Variants in NOLC1 observed in about 807,000 individuals in gnomAD.
NOLC1 encodes the protein 140 kDa nucleolar phosphoprotein.
NOLC1 carries 37 observed loss-of-function variants against 73.4 expected under a neutral mutation model. The observed-to-expected ratio is 0.50, with a 90% CI of 0.39 to 0.66. The LOEUF is 0.66. NOLC1 is among the 30% of genes least tolerant of loss of function. The pLI, the probability that NOLC1 is intolerant of heterozygous loss-of-function variation, is 0.00. For missense variants in NOLC1, 921 were observed against 838.9 expected (o/e 1.10, Z -1.21); for synonymous variants, 327 against 302.6 (o/e 1.08, Z -0.84).
intron 12 of NOLC1, 71 bp downstream of exon 12, chr10:102,161,996 G>A: frequency 6.2e-7 from 1 of 1,602,886 alleles, no homozygotes; most frequent in South Asian, 1.1e-5. Flanking sequence ...TCTTGGTTCA[G>A]GTTGGTGGGA....
chr10:102,158,314 T>G, intron 5 of NOLC1, 100 bp downstream of exon 5: 1 of 955,674 alleles, frequency 1.0e-6, no homozygotes, highest in Middle Eastern at 2.3e-4. Flanking sequence ...TGGTACTGTT[T>G]GTTGAACTGG....
intron 1 of NOLC1, among the ~76,000 whole-genome samples, chr10:102,155,288 G>T (rs561601092): frequency 1.2e-3 from 183 of 151,962 alleles, no homozygotes; most frequent in Middle Eastern, 3.4e-3. Flanking sequence ...GCCTCACAAA[G>T]TGTTGGGATT....
At position 102,161,670 on chromosome 10, in the gene NOLC1, G is replaced by A; in HGVS notation, c.1848+8G>A. On this transcript the variant is annotated splice_region_variant and intron_variant, in intron 11 of 12. Coordinates refer to ENST00000605788, the MANE Select transcript of NOLC1 (RefSeq NM_004741.5). The stretch of plus-strand genomic sequence containing the variant: ...TTTCCAAAAAGGAAGAAAGTAAGTT[G>A]TCTCACTTTCTTCTCAGGAGCCAGC... The A allele has an allele frequency of 1.9e-6, 3 of 1,603,110 alleles. No homozygotes were observed. The highest frequency in any genetic ancestry group is 2.6e-6 in the Non-Finnish European group (3 of 1,170,564).
chr10:102,152,666 C>G, intron 1 of NOLC1, 136 bp downstream of exon 1: 2 of 1,241,982 alleles, frequency 1.6e-6, no homozygotes, highest in Non-Finnish European at 2.2e-6. Flanking sequence ...GCCGACCCCT[C>G]GGCAGTGACC....
rs776643590 is a variant in NOLC1, at chr10:102,160,438, C to T, written c.1100-14C>T. On this transcript the variant is annotated splice_polypyrimidine_tract_variant and intron_variant, in intron 9 of 12. Transcript: ENST00000605788. ...AATTTGGGGAGCTGTTGATTCCATCCCTTCTGTGTCTAGACTCTGACAGCT... is the reference window on the plus strand; with the variant it reads ...AATTTGGGGAGCTGTTGATTCCATCTCTTCTGTGTCTAGACTCTGACAGCT... 2 of 1,612,172 alleles carry T rather than the reference C, an allele frequency of 1.2e-6. No individual in the cohort carries two copies. The highest frequency in any genetic ancestry group is 1.1e-5 in the South Asian group (1 of 90,952).
In NOLC1 at chr10:102,159,911, T is replaced by TC; in HGVS notation, c.881dup (p.Pro295AlafsTer29). 1.3e-6 allele frequency: 2 copies of TC among 1,597,650 alleles called. No homozygotes were observed. The highest frequency in any genetic ancestry group is 2.3e-5 in the East Asian group (1 of 44,228). ...TTTTAAACAGGTCCCTACAGTTCAG[T>TC]CCCCCCGCCTTCTGCTCCCCCACCA... On this transcript the variant is annotated frameshift_variant, in exon 8 of 13. Transcript: ENST00000605788. LOFTEE classifies it high-confidence loss of function.
chr10:102,156,418 A>G (rs545250040), intron 1 of NOLC1, among the ~76,000 whole-genome samples: 1 of 150,202 alleles, frequency 6.7e-6, no homozygotes, highest in Non-Finnish European at 1.5e-5. Context: ...CACTGTGCCC[A>G]GTCAAAAGTG....
In NOLC1 at chr10:102,157,265, A is replaced by G. The variant is rs1246339371; in HGVS notation, c.253A>G (p.Ser85Gly). The G allele has an allele frequency of 1.9e-6, 3 of 1,614,114 alleles. No homozygotes were observed. Among genetic ancestry groups the G allele is most frequent in the Non-Finnish European group, 2.5e-6 (3 of 1,180,034 alleles). ...GAAAGCTAAGAAGAAGGCCTCATCC[A>G]GTGACAGTGAGGACAGCAGCGAGGA... ...AKKAKKKASS[S>G]DSEDSSEEEE... Residue 85 changes from serine (S) to glycine (G), a missense_variant, in exon 3 of 13, where the codon AGT (serine) becomes GGT (glycine). By Grantham distance (56) the Ser-to-Gly change is moderately conservative. Coordinates refer to ENST00000605788, the MANE Select transcript of NOLC1 (RefSeq NM_004741.5).
At chr10:102,155,499 T>C (rs2069580806) in intron 1 of NOLC1, among the ~76,000 whole-genome samples, 1 of 150,216 alleles carries the variant, frequency 6.7e-6, no homozygotes, top group Non-Finnish European at 1.5e-5. Flanking sequence ...TTAGCGTACC[T>C]GCGCCCGGCC....
In NOLC1 at chr10:102,163,436, T is replaced by A. The variant is rs1309919256; in HGVS notation, c.*1167T>A. ...ATTATTGTGTCTCCTAGTTGGTACC[T>A]GGGAGCAATTGACATGCCCCCTTCA... On this transcript the variant is annotated 3_prime_UTR_variant, in exon 13 of 13. Transcript: ENST00000605788. 1 of 152,218 alleles carries A rather than the reference T, an allele frequency of 6.6e-6. No homozygotes were observed. The highest frequency in any genetic ancestry group is 1.5e-5 in the Non-Finnish European group (1 of 68,034). The allele number at this position is 152,218 out of a possible 1,614,324, so 9.4% of individuals were successfully genotyped here. A position where few individuals can be genotyped will look rare whatever the true frequency, so the allele number is the denominator to read the frequency against.
intron 1 of NOLC1, among the ~76,000 whole-genome samples, chr10:102,156,451 G>A (rs2069595952): frequency 6.7e-6 from 1 of 149,872 alleles, no homozygotes; most frequent in South Asian, 2.1e-4. Flanking sequence ...TTTTGAAATG[G>A]AGTCTTGCTC....
intron 4 of NOLC1, 92 bp from the exon 5 acceptor site, chr10:102,157,957 C>A: frequency 8.7e-7 from 1 of 1,151,956 alleles, no homozygotes; most frequent in Non-Finnish European, 1.2e-6. Context: ...TCTTACTGCT[C>A]CATTAGGCCC....
rs773799733 is a variant in NOLC1 at position 102,157,256 on chromosome 10, G to A, written c.244G>A (p.Ala82Thr). 10 of 1,614,212 alleles carry A rather than the reference G, an allele frequency of 6.2e-6. No homozygotes were observed. Among genetic ancestry groups the A allele is most frequent in the African/African-American group, 5.3e-5 (4 of 75,050 alleles). The change falls in exon 3 of 13, where the codon GCC becomes ACC. Residue 82 changes from alanine (A) to threonine (T), a missense_variant. Ala to Thr is a moderately conservative substitution (Grantham distance 58). Coordinates refer to ENST00000605788, the MANE Select transcript of NOLC1 (RefSeq NM_004741.5). Reference protein sequence around the residue: ...GPVAKKAKKKASSSDSEDSSE... With the variant: ...GPVAKKAKKKTSSSDSEDSSE... ...AGTGGCTAAGAAAGCTAAGAAGAAG[G>A]CCTCATCCAGTGACAGTGAGGACAG... is the stretch of plus-strand genomic sequence containing the variant.
intron 5 of NOLC1, 82 bp downstream of exon 5, chr10:102,158,296 G>C (rs1590377671): frequency 2.5e-6 from 3 of 1,218,058 alleles, no homozygotes; most frequent in Non-Finnish European, 3.5e-6. Context: ...TTTGGCACAG[G>C]GGTGAAATGG....
rs1214585543 is a variant in NOLC1, at chr10:102,157,343, C to T, written c.316+15C>T. ...AAAGAAGGCTGGTAAGGCAGAGTAG[C>T]AGGTGGGCTTGGTGGTGCCAGGAAA... On this transcript the variant is annotated intron_variant, in intron 3 of 12. Coordinates refer to ENST00000605788, the MANE Select transcript of NOLC1 (RefSeq NM_004741.5). 3.1e-6 allele frequency: 5 copies of T among 1,613,398 alleles called. No individual in the cohort carries two copies. The East Asian group carries it at 6.7e-5, about 22-fold the overall frequency.
chr10:102,154,238 A>AT (rs71016366), intron 1 of NOLC1, among the ~76,000 whole-genome samples: 19,652 of 126,354 alleles, frequency 0.16, 1,735 homozygotes, highest in Non-Finnish European at 0.21. Flanking sequence ...TGCCTGGCTA[A>AT]TTTTTTTTTT....
At chr10:102,161,147 G>A (rs1402702668) in intron 10 of NOLC1, 54 bp downstream of exon 10, 19 of 1,521,344 alleles carry the variant, frequency 1.2e-5, no homozygotes, top group Non-Finnish European at 1.7e-5. Flanking sequence ...ATCAGGATGG[G>A]ATATACTCTT....
chr10:102,161,184 C>T (rs751640379), intron 10 of NOLC1, 91 bp downstream of exon 10: 91 of 1,324,900 alleles, frequency 6.9e-5, no homozygotes, highest in Non-Finnish European at 8.8e-5. Flanking sequence ...AGAGGAGGCC[C>T]ACCACTGGGC....
chr10:102,159,701 C>A, intron 7 of NOLC1, 133 bp downstream of exon 7: 2 of 1,135,826 alleles, frequency 1.8e-6, no homozygotes, highest in Non-Finnish European at 2.5e-6. Flanking sequence ...ACTAGTGATC[C>A]AGGAAAGCAA....
Sources: allele counts gnomAD v4.1 joint callset (sites outside exome capture counted in the v4.1 genomes callset), GRCh38; gene constraint gnomAD v4.1.1; transcripts MANE v1.5; gene names NCBI Gene and HGNC (gene_info 2026-07-23, HGNC 2026-07-21).